The following MALRD1 variants were observed in gnomAD, a reference collection of about 807,000 sequenced individuals.
MALRD1 encodes MAM and LDL receptor class A domain containing 1.
In MALRD1, 247 loss-of-function variants were observed where a neutral mutation model predicts 242.1. The ratio of observed to expected loss-of-function variants is 1.02; its 90% CI spans 0.92 to 1.13. The LOEUF (loss-of-function observed/expected upper bound fraction) is 1.13, where lower values mean the gene tolerates loss of function less well. Among genes scored for constraint, MALRD1 ranks in the 50% most tolerant of loss-of-function variants. The pLI is 0.00. For missense variants in MALRD1, 2,989 were observed against 2,533.1 expected, an observed-to-expected ratio of 1.18 and a Z score of -3.86; for synonymous variants, 995 against 866.6, an observed-to-expected ratio of 1.15 and a Z score of -2.60.
At chr10:19,455,815 C>G (rs1379020012) in intron 29 of MALRD1, among the ~76,000 whole-genome samples, 1 of 152,180 alleles carries the variant, frequency 6.6e-6, no homozygotes, top group Non-Finnish European at 1.5e-5. Flanking sequence ...CTGCACACAT[C>G]TACGGAGAGC....
At chr10:19,209,866 A>G (rs928689838) in intron 18 of MALRD1, among the ~76,000 whole-genome samples, 186 bp downstream of exon 18, 2 of 152,088 alleles carry the variant, frequency 1.3e-5, no homozygotes, top group Non-Finnish European at 2.9e-5. Flanking sequence ...ACTACCCCCA[A>G]TGATGTAAGA....
At chr10:19,233,446 G>A (rs1258495967) in intron 18 of MALRD1, among the ~76,000 whole-genome samples, 2 of 152,132 alleles carry the variant, frequency 1.3e-5, no homozygotes, top group Non-Finnish European at 2.9e-5. Context: ...GGGTTACAGT[G>A]AGCCGAGATC....
intron 14 of MALRD1, among the ~76,000 whole-genome samples, chr10:19,195,868 T>C (rs1836216859): frequency 1.3e-5 from 2 of 152,062 alleles, no homozygotes; most frequent in Non-Finnish European, 2.9e-5. Flanking sequence ...ATTTCCCCAG[T>C]CCATTCCTTC....
chr10:19,454,713 T>TATACAC (rs1835543983), intron 29 of MALRD1, among the ~76,000 whole-genome samples: 1 of 132,330 alleles, frequency 7.6e-6, no homozygotes, highest in African/African-American at 2.6e-5. Flanking sequence ...CGTGCACACG[T>TATACAC]ACACACACAC....
chr10:19,455,070 C>T (rs1023140317), intron 29 of MALRD1, among the ~76,000 whole-genome samples: 1 of 151,912 alleles, frequency 6.6e-6, no homozygotes, highest in African/African-American at 2.4e-5. Flanking sequence ...CCTTTTTGGA[C>T]AAGTTAATAA....
chr10:19,596,671 C>T (rs1005903530), intron 34 of MALRD1, among the ~76,000 whole-genome samples: 1 of 151,922 alleles, frequency 6.6e-6, no homozygotes, highest in African/African-American at 2.4e-5. Context: ...TTTGAGGCTG[C>T]AGTGAACTAT....
chr10:19,570,580 T>C (rs1836479467), intron 33 of MALRD1, among the ~76,000 whole-genome samples: 1 of 152,018 alleles, frequency 6.6e-6, no homozygotes, highest in Non-Finnish European at 1.5e-5. Flanking sequence ...AATTTAGGCA[T>C]TGAACACCTA....
intron 18 of MALRD1, among the ~76,000 whole-genome samples, chr10:19,234,563 C>G (rs1308534555): frequency 1.3e-5 from 2 of 151,808 alleles, no homozygotes; most frequent in African/African-American, 4.8e-5. Flanking sequence ...GAAACTTAAG[C>G]AGCAAAAGTG....
At chr10:19,190,106 A>G (rs1348378336) in intron 14 of MALRD1, among the ~76,000 whole-genome samples, 1 of 152,084 alleles carries the variant, frequency 6.6e-6, no homozygotes, top group Non-Finnish European at 1.5e-5. Context: ...TAAAACATGA[A>G]TTCAACAAAA....
intron 31 of MALRD1, among the ~76,000 whole-genome samples, chr10:19,500,176 C>T (rs1254863965): frequency 6.6e-6 from 1 of 152,088 alleles, no homozygotes; most frequent in Admixed American, 6.6e-5. Flanking sequence ...GAATTGTCAC[C>T]AGCTCTTCTT....
At chr10:19,404,535 T>C (rs966996401) in intron 28 of MALRD1, among the ~76,000 whole-genome samples, 1 of 152,134 alleles carries the variant, frequency 6.6e-6, no homozygotes, top group African/African-American at 2.4e-5. Flanking sequence ...TTTTTCTAAG[T>C]AGCTTCAGCA....
intron 14 of MALRD1, among the ~76,000 whole-genome samples, chr10:19,197,055 T>C (rs1159275678): frequency 6.6e-6 from 1 of 152,114 alleles, no homozygotes; most frequent in East Asian, 1.9e-4. Context: ...CTCACAATCA[T>C]GGCAGAAGGT....
chr10:19,439,434 G>A (rs1053192415), intron 28 of MALRD1, among the ~76,000 whole-genome samples: 2 of 152,044 alleles, frequency 1.3e-5, no homozygotes, highest in Admixed American at 6.6e-5. Context: ...GATGGTGGGA[G>A]GCTGAGGCAG....
intron 30 of MALRD1, among the ~76,000 whole-genome samples, chr10:19,496,192 A>G (rs939716266): frequency 2.6e-5 from 4 of 152,286 alleles, no homozygotes; most frequent in African/African-American, 9.6e-5. Flanking sequence ...GATATTCAGG[A>G]CCTGAACTCA....
intron 14 of MALRD1, among the ~76,000 whole-genome samples, chr10:19,180,568 T>C (rs1467752634): frequency 6.6e-6 from 1 of 152,178 alleles, no homozygotes; most frequent in Admixed American, 6.5e-5. Flanking sequence ...CTTAAATAAA[T>C]TCAAAATGTA....
rs566694336 is a variant in MALRD1 at position 19,397,711 on chromosome 10, AAGGGG to A, written c.4845+8104_4845+8108del. Among the ~76,000 whole-genome samples, 294 of 152,210 alleles carry A rather than the reference AAGGGG, an allele frequency of 1.9e-3. 3 individuals are homozygous for A. The highest frequency in any genetic ancestry group is 6.5e-3 in the African/African-American group (270 of 41,534). ...ATTTATAATCCCACTAACAGTCTGC[AAGGGG>A]ACAGTGTTACTGGGTGTATAACACT... On this transcript the variant is annotated intron_variant, in intron 28 of 39. Transcript: ENST00000454679.
intron 11 of MALRD1, among the ~76,000 whole-genome samples, chr10:19,152,992 A>G (rs1833998335): frequency 6.6e-6 from 1 of 152,134 alleles, no homozygotes; most frequent in African/African-American, 2.4e-5. Context: ...GTTGTTCACT[A>G]GTCTTTATTT....
At chr10:19,322,410 A>C in intron 21 of MALRD1, among the ~76,000 whole-genome samples, 1 of 152,168 alleles carries the variant, frequency 6.6e-6, no homozygotes, top group South Asian at 2.1e-4. Flanking sequence ...ATTAGGAAGA[A>C]TGAATGATAT....
At chr10:19,347,330 T>C (rs1844176973) in intron 24 of MALRD1, among the ~76,000 whole-genome samples, 1 of 152,134 alleles carries the variant, frequency 6.6e-6, no homozygotes, top group South Asian at 2.1e-4. Context: ...TTCTCTAAAA[T>C]AAAGAACTGT....
Sources: gnomAD v4.1 joint callset for allele counts (sites outside exome capture counted in the v4.1 genomes callset) on GRCh38, gnomAD v4.1.1 for gene constraint, MANE v1.5 for transcripts, NCBI Gene and HGNC (gene_info 2026-07-23, HGNC 2026-07-21) for gene names.